The following CPNE8 variants were observed in gnomAD, a reference collection of about 807,000 sequenced individuals.
CPNE8 encodes copine 8.
CPNE8 carries 45 observed loss-of-function variants against 81.5 expected under a neutral mutation model. The ratio of observed to expected loss-of-function variants is 0.55; its 90% CI spans 0.44 to 0.71. CPNE8 has a LOEUF of 0.71. Ranked by LOEUF, CPNE8 falls within the 30% of genes least tolerant of loss-of-function variation. The pLI is 0.00. For missense variants in CPNE8, 594 were observed against 672.1 expected (o/e 0.88, Z 1.28); for synonymous variants, 252 against 226.3 (o/e 1.11, Z -1.02).
At chr12:38,791,545 TTTA>T (rs1388401879) in intron 6 of CPNE8, among the ~76,000 whole-genome samples, 1 of 151,564 alleles carries the variant, frequency 6.6e-6, no homozygotes, top group Non-Finnish European at 1.5e-5. Flanking sequence ...ATTCTACTAG[TTTA>T]TTATTTAGAA....
Position 38,693,715 on chromosome 12 carries a change from G to C in CPNE8, c.1085C>G (p.Ala362Gly). The C allele has an allele frequency of 6.2e-7, 1 of 1,613,442 alleles. No homozygotes were observed. The highest frequency in any genetic ancestry group is 8.5e-7 in the Non-Finnish European group (1 of 1,179,634). The part of the protein sequence containing the change: ...QDYDSDKMFP[A>G]LGFGAKLPPD... ...AGGCAGTTTTGCACCAAATCCTAGA[G>C]CTGGAAACATTTTATCACTGTCATA... is the stretch of plus-strand genomic sequence containing the variant. The change falls in exon 15 of 20, where the codon GCT becomes GGT. Residue 362 changes from alanine to glycine, a missense_variant. By Grantham distance (60) the Ala-to-Gly change is moderately conservative. Coordinates refer to ENST00000331366, the MANE Select transcript of CPNE8 (RefSeq NM_153634.3).
At chr12:38,744,149 G>A (rs1315373435) in intron 10 of CPNE8, among the ~76,000 whole-genome samples, 3 of 152,140 alleles carry the variant, frequency 2.0e-5, no homozygotes, top group Admixed American at 1.3e-4. Context: ...CACATAAAGG[G>A]AACCAGAGTA....
intron 13 of CPNE8, among the ~76,000 whole-genome samples, chr12:38,706,945 A>G (rs997361968): frequency 1.3e-5 from 2 of 152,234 alleles, no homozygotes; most frequent in Non-Finnish European, 2.9e-5. Flanking sequence ...TCTCAAAGAC[A>G]AAGTTGTCCC....
rs77972678 is a variant in CPNE8 at position 38,792,134 on chromosome 12, A to C, written c.408-15833T>G. ...TGTAAACATATATATTTACAAAAAG[A>C]AAGATCTCAAGTCAACAACCTAACT... is the stretch of plus-strand genomic sequence containing the variant. On this transcript the variant is annotated intron_variant, in intron 6 of 19. Coordinates refer to ENST00000331366, the MANE Select transcript of CPNE8 (RefSeq NM_153634.3). 7.1e-3 allele frequency among the ~76,000 whole-genome samples: 1,071 copies of C among 151,574 alleles called. 7 individuals are homozygous for C. Among genetic ancestry groups the C allele is most frequent in the Middle Eastern group, 0.051 (15 of 294 alleles).
chr12:38,905,357 G>A (rs1012479379), intron 1 of CPNE8, 80 bp downstream of exon 1: 2 of 1,479,380 alleles, frequency 1.4e-6, no homozygotes, highest in Non-Finnish European at 1.8e-6. Context: ...GCAAAGCCTC[G>A]TGGTACCCCG....
chr12:38,858,766 T>C (rs939611942), intron 3 of CPNE8, among the ~76,000 whole-genome samples: 1 of 152,134 alleles, frequency 6.6e-6, no homozygotes, highest in African/African-American at 2.4e-5. Context: ...AGTTACACTA[T>C]GAGCAAATGA....
At chr12:38,906,211 C>T (rs1363597035), upstream of CPNE8, 20 of 985,424 alleles carry the variant, frequency 2.0e-5, no homozygotes, top group Non-Finnish European at 2.3e-5. Flanking sequence ...GAGTCTGGTC[C>T]CAGCTTCTGG....
intron 1 of CPNE8, among the ~76,000 whole-genome samples, chr12:38,885,634 A>G (rs937888306): frequency 1.3e-5 from 2 of 152,102 alleles, no homozygotes; most frequent in African/African-American, 4.8e-5. Context: ...ATCTATTTCA[A>G]TCTTTTTTTT....
rs535039185 is a variant in CPNE8, at chr12:38,840,745, A to G, written c.291-790T>C. ...GAAACAAACATATTTACATAAGACTACCATATGTTCTGGTTTTGACCAGTT... is the reference window on the plus strand; with the variant it reads ...GAAACAAACATATTTACATAAGACTGCCATATGTTCTGGTTTTGACCAGTT... On this transcript the variant is annotated intron_variant, in intron 4 of 19. Coordinates refer to ENST00000331366, the MANE Select transcript of CPNE8 (RefSeq NM_153634.3). Among the ~76,000 whole-genome samples, 8 of 152,284 alleles carry G rather than the reference A, an allele frequency of 5.3e-5. No individual in the cohort carries two copies. The Middle Eastern group carries it at 0.024, about 453-fold the overall frequency.
chr12:38,691,909 T>C (rs1358175533), intron 15 of CPNE8, among the ~76,000 whole-genome samples: 2 of 152,186 alleles, frequency 1.3e-5, no homozygotes, highest in East Asian at 3.9e-4. Context: ...CCTCACTTAA[T>C]ACTATTACAT....
At chr12:38,880,987 G>C (rs1944145936) in intron 1 of CPNE8, among the ~76,000 whole-genome samples, 1 of 152,098 alleles carries the variant, frequency 6.6e-6, no homozygotes, top group Non-Finnish European at 1.5e-5. Flanking sequence ...AAGACGGGTG[G>C]ATCACGAGGT....
intron 10 of CPNE8, among the ~76,000 whole-genome samples, chr12:38,739,962 A>G (rs575756393): frequency 3.3e-5 from 5 of 152,274 alleles, no homozygotes; most frequent in Non-Finnish European, 5.9e-5. Context: ...CTTATTCTAT[A>G]CCTTTAGGAA....
intron 19 of CPNE8, among the ~76,000 whole-genome samples, chr12:38,655,712 A>T (rs1938801264): frequency 6.6e-6 from 1 of 152,158 alleles, no homozygotes; most frequent in African/African-American, 2.4e-5. Context: ...ACCAAGAAAA[A>T]TTTTAAGAAA....
intron 6 of CPNE8, among the ~76,000 whole-genome samples, chr12:38,822,543 T>C (rs1943123404): frequency 6.6e-6 from 1 of 152,190 alleles, no homozygotes; most frequent in Non-Finnish European, 1.5e-5. Flanking sequence ...GTATAAAGTA[T>C]TGATGTTACT....
intron 3 of CPNE8, among the ~76,000 whole-genome samples, chr12:38,869,919 A>C (rs1360318907): frequency 3.3e-5 from 5 of 152,364 alleles, no homozygotes; most frequent in African/African-American, 1.2e-4. Context: ...GCCATTTCTC[A>C]TAAACTGTAG....
chr12:38,654,505 ACT>A (rs1938774359), intron 19 of CPNE8, among the ~76,000 whole-genome samples: 2 of 101,442 alleles, frequency 2.0e-5, no homozygotes, highest in East Asian at 2.8e-4. Context: ...ACAGAGCGAG[ACT>A]CTGTCTCAAA....
intron 18 of CPNE8, 99 bp downstream of exon 18, chr12:38,675,618 C>A: frequency 1.3e-6 from 1 of 775,698 alleles, no homozygotes; most frequent in South Asian, 1.6e-5. Context: ...AATACACAGT[C>A]ACATCCTTCT....
chr12:38,768,842 T>C lies in CPNE8; in HGVS notation c.472-1104A>G, dbSNP rs567479656. On this transcript the variant is annotated intron_variant, in intron 7 of 19. Transcript: ENST00000331366. ...TTTAACTGAACAGGAAAGCTTAAAATGTTGGAAAGAGGTGAAGTGGCAAAG... is the reference window on the plus strand; with the variant it reads ...TTTAACTGAACAGGAAAGCTTAAAACGTTGGAAAGAGGTGAAGTGGCAAAG... 6.6e-5 allele frequency among the ~76,000 whole-genome samples: 10 copies of C among 152,244 alleles called. No homozygotes were observed. In the South Asian group the frequency reaches 2.1e-3, roughly 32 times the overall value.
Position 38,867,305 on chromosome 12 carries a change from AGTGT to A in CPNE8, c.186+5695_186+5698del, listed in dbSNP as rs35874005. On this transcript the variant is annotated intron_variant, in intron 3 of 19. Transcript: ENST00000331366. ...GTCCTTGATGTTTGTTGAATAGTAT[AGTGT>A]GTGTGTGTGTGTGTGTGTGTGTGTG... Among the ~76,000 whole-genome samples the A allele has an allele frequency of 3.7e-3, 493 of 133,140 alleles. 1 individual carries two copies. The highest frequency in any genetic ancestry group is 7.2e-3 in the African/African-American group (256 of 35,608). The allele number at this position is 133,140 out of a possible 152,430, so 87.3% of individuals were successfully genotyped here. A position where few individuals can be genotyped will look rare whatever the true frequency, so the allele number is the denominator to read the frequency against.
Sources: gnomAD v4.1 joint callset for allele counts (sites outside exome capture counted in the v4.1 genomes callset) on GRCh38, gnomAD v4.1.1 for gene constraint, MANE v1.5 for transcripts, NCBI Gene and HGNC (gene_info 2026-07-23, HGNC 2026-07-21) for gene names.